PTPRD: variants seen among roughly 807,000 people sequenced by gnomAD.
PTPRD encodes the protein protein tyrosine phosphatase receptor type D.
In PTPRD, 34 loss-of-function variants were observed where a neutral mutation model predicts 214.5. The ratio of observed to expected loss-of-function variants is 0.16; its 90% confidence interval spans 0.12 to 0.21. The LOEUF (loss-of-function observed/expected upper bound fraction) is 0.21. PTPRD is among the 10% of genes least tolerant of loss of function. PTPRD has a pLI of 1.00. For missense variants in PTPRD, 2,545 were observed against 2,398.7 expected, an observed-to-expected ratio of 1.06 and a Z score of -1.27; for synonymous variants, 1,128 against 845.7, an observed-to-expected ratio of 1.33 and a Z score of -5.79.
At chr9:9,592,148 A>C (rs2092797928) in intron 7 of PTPRD, among the ~76,000 whole-genome samples, 1 of 152,114 alleles carries the variant, frequency 6.6e-6, no homozygotes, top group East Asian at 1.9e-4. Flanking sequence ...CTTGCTATGA[A>C]ATAACTGGAG....
Position 10,494,269 on chromosome 9 carries a change from T to C in PTPRD, c.-600+118129A>G, listed in dbSNP as rs56697822. Among the ~76,000 whole-genome samples, 873 of 152,030 alleles carry C rather than the reference T, an allele frequency of 5.7e-3. 6 individuals are homozygous for C. The highest frequency in any genetic ancestry group is 0.02 in the African/African-American group (842 of 41,542). On this transcript the variant is annotated intron_variant, in intron 2 of 45. Coordinates refer to ENST00000381196, the MANE Select transcript of PTPRD (RefSeq NM_002839.4). ...TCTTCTTTTCTAATCAAAACACTTA[T>C]CATGAACATATAATCAAATTCTCTG...
At chr9:9,708,524 A>G (rs199844816) in intron 7 of PTPRD, among the ~76,000 whole-genome samples, 2 of 152,090 alleles carry the variant, frequency 1.3e-5, no homozygotes, top group African/African-American at 4.8e-5. Flanking sequence ...TTATTCCTAT[A>G]CTAGTGAGCT....
At chr9:9,091,340 C>A in intron 10 of PTPRD, 2 of 776,444 alleles carry the variant, frequency 2.6e-6, no homozygotes, top group Non-Finnish European at 4.4e-6. Context: ...TAAATAGCTG[C>A]GTATTTTTCT....
chr9:8,334,175 C>A (rs981819739), intron 43 of PTPRD, among the ~76,000 whole-genome samples: 5 of 152,088 alleles, frequency 3.3e-5, no homozygotes, highest in African/African-American at 1.2e-4. Flanking sequence ...CAGCTCTGGA[C>A]TAAGCAGACC....
At chr9:9,530,944 A>G (rs528571181) in intron 8 of PTPRD, among the ~76,000 whole-genome samples, 3 of 152,280 alleles carry the variant, frequency 2.0e-5, no homozygotes, top group African/African-American at 7.2e-5. Context: ...ACATACAGTT[A>G]GATAGAATTT....
At position 9,561,613 on chromosome 9, in the gene PTPRD, A is replaced by G. The variant is rs185357538; in HGVS notation, c.-237+13119T>C. Among the ~76,000 whole-genome samples the G allele has an allele frequency of 9.4e-4, 143 of 152,354 alleles. 1 individual carries two copies. The highest frequency in any genetic ancestry group is 1.4e-3 in the Non-Finnish European group (93 of 68,034). On this transcript the variant is annotated intron_variant, in intron 8 of 45. Transcript: ENST00000381196. ...TCTCTATTTTCAGAACTACAGTTAG[A>G]AATGTGCAGGGAAAAAGGCATTTAG...
chr9:9,605,298 G>C (rs1472307506), intron 7 of PTPRD, among the ~76,000 whole-genome samples: 8 of 152,004 alleles, frequency 5.3e-5, no homozygotes, highest in Non-Finnish European at 1.0e-4. Context: ...AACATGTTTA[G>C]TATATGTGGT....
chr9:10,497,874 G>T (rs2042547016), intron 2 of PTPRD, among the ~76,000 whole-genome samples: 1 of 151,838 alleles, frequency 6.6e-6, no homozygotes, highest in Admixed American at 6.6e-5. Flanking sequence ...AGTATTAATA[G>T]TAAACAAAAT....
intron 3 of PTPRD, among the ~76,000 whole-genome samples, chr9:10,255,955 A>C (rs2475330): frequency 0.16 from 23,784 of 151,990 alleles, 1,961 homozygotes; most frequent in African/African-American, 0.2. Flanking sequence ...GGTTGCACAG[A>C]AGGAGGTGAG....
At chr9:10,345,879 A>T (rs944368565) in intron 2 of PTPRD, among the ~76,000 whole-genome samples, 2 of 152,132 alleles carry the variant, frequency 1.3e-5, no homozygotes, top group African/African-American at 4.8e-5. Context: ...ACTCCCACCA[A>T]CAGTGTAAAA....
At chr9:9,668,889 A>G (rs1462702661) in intron 7 of PTPRD, among the ~76,000 whole-genome samples, 1 of 152,124 alleles carries the variant, frequency 6.6e-6, no homozygotes, top group African/African-American at 2.4e-5. Context: ...GTGGTCTCCT[A>G]TTGACCAATC....
chr9:8,319,074 T>C (rs541944416), intron 45 of PTPRD, among the ~76,000 whole-genome samples: 2 of 152,184 alleles, frequency 1.3e-5, no homozygotes, highest in South Asian at 4.1e-4. Context: ...CTAAGACCCA[T>C]TAAGTTTGTC....
chr9:8,856,749 C>G (rs1012653384), intron 11 of PTPRD, among the ~76,000 whole-genome samples: 7 of 152,308 alleles, frequency 4.6e-5, no homozygotes, highest in South Asian at 2.1e-4. Context: ...GAGAATGGAA[C>G]TACTATCTGG....
rs1485800002 is a variant in PTPRD at position 9,933,627 on chromosome 9, T to G, written c.-368+4880A>C. 4.4e-4 allele frequency among the ~76,000 whole-genome samples: 66 copies of G among 150,228 alleles called. 3 individuals carry two copies. The highest frequency in any genetic ancestry group is 1.6e-3 in the African/African-American group (62 of 39,686). ...GACTTAGACTCCCACACATTAATAA[T>G]GGGAGACTTTAACACCCCACTGTCA... On this transcript the variant is annotated intron_variant, in intron 5 of 45. Coordinates refer to ENST00000381196, the MANE Select transcript of PTPRD (RefSeq NM_002839.4).
At chr9:9,221,652 T>C (rs890361864) in intron 9 of PTPRD, among the ~76,000 whole-genome samples, 13 of 152,046 alleles carry the variant, frequency 8.6e-5, no homozygotes, top group African/African-American at 3.1e-4. Context: ...TATACTCTTA[T>C]GACCTTATTT....
rs776984034 is a variant in PTPRD, at chr9:8,788,253, A to ATTT, written c.-103-54310_-103-54308dup. On this transcript the variant is annotated intron_variant, in intron 11 of 45. Coordinates refer to ENST00000381196, the MANE Select transcript of PTPRD (RefSeq NM_002839.4). ...AAATATTTTTGGTTCATATAAGATG[A>ATTT]TTTTTTTTTTTTTTTTTTTTTTTTT... is the stretch of plus-strand genomic sequence containing the variant. 7.9e-4 allele frequency among the ~76,000 whole-genome samples: 67 copies of ATTT among 85,230 alleles called. 1 individual carries two copies. The highest frequency in any genetic ancestry group is 9.0e-4 in the African/African-American group (17 of 18,804). 55.9% of individuals were successfully genotyped at this position (85,230 alleles called of 152,430 possible).
chr9:9,337,850 C>A (rs1279653256), intron 9 of PTPRD, among the ~76,000 whole-genome samples: 1 of 152,192 alleles, frequency 6.6e-6, no homozygotes, highest in African/African-American at 2.4e-5. Context: ...TTACCTCACA[C>A]TTTGTGCTTC....
intron 28 of PTPRD, 90 bp downstream of exon 28, chr9:8,485,671 TG>T: frequency 8.8e-7 from 1 of 1,134,638 alleles, no homozygotes; most frequent in Non-Finnish European, 1.2e-6. Flanking sequence ...TTAATATGAA[TG>T]GGCTGATCAG....
At chr9:9,569,123 T>C (rs373337687) in intron 8 of PTPRD, among the ~76,000 whole-genome samples, 4 of 151,918 alleles carry the variant, frequency 2.6e-5, no homozygotes, top group Non-Finnish European at 4.4e-5. Flanking sequence ...TACTCTGTCA[T>C]TGTCATCATC....
Sources: gnomAD v4.1 joint callset for allele counts (sites outside exome capture counted in the v4.1 genomes callset) on GRCh38, gnomAD v4.1.1 for gene constraint, MANE v1.5 for transcripts, NCBI Gene and HGNC (gene_info 2026-07-23, HGNC 2026-07-21) for gene names.